Variants in GLIS3 observed in about 807,000 individuals in gnomAD.
GLIS3 encodes GLIS family zinc finger 3.
Under a neutral mutation model 78.6 loss-of-function variants are expected in GLIS3, and 53 were observed. The ratio of observed to expected loss-of-function variants is 0.67; its 90% CI spans 0.54 to 0.85. The LOEUF is 0.85. Among genes scored for constraint, GLIS3 ranks in the 40% least tolerant of loss-of-function variants. The pLI, the probability that GLIS3 is intolerant of heterozygous loss-of-function variation, is 0.00. For missense variants in GLIS3, 1,703 were observed against 1,231.1 expected, an observed-to-expected ratio of 1.38 and a Z score of -5.74; for synonymous variants, 684 against 509.9, an observed-to-expected ratio of 1.34 and a Z score of -4.60.
chr9:4,286,350 G>C lies in GLIS3; in HGVS notation c.76C>G (p.His26Asp). 4 of 1,614,214 alleles carry C rather than the reference G, an allele frequency of 2.5e-6. No individual in the cohort carries two copies. The highest frequency in any genetic ancestry group is 3.4e-6 in the Non-Finnish European group (4 of 1,180,034). ...TPQGPRMVSG[H>D]HIPAIRAHSG... ...TGGGCTCGGATGGCAGGAATGTGAT[G>C]ACCACTGACCATCCTAGGCCCCTGT... The change falls in exon 2 of 11, where the codon CAT becomes GAT. Residue 26 changes from histidine (H) to aspartate (D), a missense_variant. His to Asp is a moderately conservative substitution (Grantham distance 81). Coordinates refer to ENST00000381971, the MANE Select transcript of GLIS3 (RefSeq NM_001042413.2).
the GLIS3 span, among the ~76,000 whole-genome samples, chr9:4,459,555 G>A: frequency 1.3e-5 from 2 of 152,356 alleles, no homozygotes; most frequent in Non-Finnish European, 2.9e-5. Context: ...CTTAAGCCCA[G>A]GAGCTCGTGA....
the GLIS3 span, among the ~76,000 whole-genome samples, chr9:4,442,847 G>A: frequency 6.6e-6 from 1 of 151,858 alleles, no homozygotes; most frequent in East Asian, 1.9e-4. Context: ...CTCTATAGAA[G>A]TTTTGAAGTT....
chr9:4,257,453 G>A (rs1043848942), intron 2 of GLIS3, among the ~76,000 whole-genome samples: 1 of 152,082 alleles, frequency 6.6e-6, no homozygotes, highest in African/African-American at 2.4e-5. Context: ...TTGGTAATTT[G>A]GCAAGGGAAT....
intron 4 of GLIS3, among the ~76,000 whole-genome samples, chr9:4,077,734 C>T (rs1002330266): frequency 6.6e-6 from 1 of 152,156 alleles, no homozygotes; most frequent in African/African-American, 2.4e-5. Context: ...CGGGCTGGTC[C>T]TGTTCTCTTG....
the GLIS3 span, among the ~76,000 whole-genome samples, chr9:4,419,128 C>T: frequency 7.9e-5 from 12 of 152,162 alleles, no homozygotes; most frequent in Admixed American, 2.0e-4. Context: ...ATGAGTTTTG[C>T]TTTCTGACGT....
chr9:4,444,837 G>C, the GLIS3 span, among the ~76,000 whole-genome samples: 3 of 152,184 alleles, frequency 2.0e-5, no homozygotes, highest in African/African-American at 7.2e-5. Context: ...AAGATTTCAT[G>C]CTTGGATAAA....
At chr9:4,159,734 GAAAGAAAAGA>G (rs1048030460) in intron 2 of GLIS3, among the ~76,000 whole-genome samples, 2 of 145,850 alleles carry the variant, frequency 1.4e-5, no homozygotes, top group African/African-American at 2.5e-5. Flanking sequence ...AAAAAAAAAA[GAAAGAAAAGA>G]AAAGAAAAGA....
intron 2 of GLIS3, among the ~76,000 whole-genome samples, chr9:4,329,208 C>T (rs926228354): frequency 1.3e-5 from 2 of 152,238 alleles, no homozygotes; most frequent in East Asian, 3.9e-4. Context: ...AGCCCATTCC[C>T]ACGATAATGT....
chr9:4,319,918 A>G (rs1233108285), intron 2 of GLIS3, among the ~76,000 whole-genome samples: 2 of 152,052 alleles, frequency 1.3e-5, no homozygotes, highest in East Asian at 3.8e-4. Context: ...CTGTCTACGC[A>G]TGGCTCACAG....
chr9:4,390,359 C>G, the GLIS3 span, among the ~76,000 whole-genome samples: 9 of 152,064 alleles, frequency 5.9e-5, no homozygotes, highest in African/African-American at 2.2e-4. Context: ...ATATTACGTA[C>G]TTGATAAAAG....
At chr9:4,170,791 G>A (rs915201048) in intron 2 of GLIS3, among the ~76,000 whole-genome samples, 2 of 151,980 alleles carry the variant, frequency 1.3e-5, no homozygotes, top group African/African-American at 2.4e-5. Context: ...AATCCACATA[G>A]GCAGGAGGAA....
chr9:3,964,093 T>G (rs145760453), intron 4 of GLIS3, among the ~76,000 whole-genome samples: 29 of 151,976 alleles, frequency 1.9e-4, no homozygotes, highest in Middle Eastern at 3.4e-3. Context: ...GAGAGAGTGC[T>G]GGGCTGCAAA....
chr9:3,940,022 G>C (rs1032149803), intron 4 of GLIS3, among the ~76,000 whole-genome samples: 3 of 152,146 alleles, frequency 2.0e-5, no homozygotes, highest in Admixed American at 6.5e-5. Context: ...TTCTCTAATG[G>C]CGTCTGGATG....
At chr9:4,290,043 A>ACTTTC in intron 1 of GLIS3, among the ~76,000 whole-genome samples, 1 of 152,300 alleles carries the variant, frequency 6.6e-6, no homozygotes, top group Admixed American at 6.5e-5. Flanking sequence ...AGATTAAACA[A>ACTTTC]ACGAAAAGCA....
the GLIS3 span, among the ~76,000 whole-genome samples, chr9:4,363,017 T>G: frequency 5.9e-5 from 9 of 151,916 alleles, no homozygotes; most frequent in Non-Finnish European, 8.8e-5. Flanking sequence ...AGGAGAGAAG[T>G]GAACACTGGT....
intron 4 of GLIS3, among the ~76,000 whole-genome samples, chr9:3,973,396 C>T (rs751149272): frequency 7.9e-5 from 12 of 152,150 alleles, no homozygotes; most frequent in Non-Finnish European, 1.8e-4. Flanking sequence ...GTTGGTCTTC[C>T]TGGCATGGCC....
At chr9:4,115,848 A>G (rs1831596806) in intron 4 of GLIS3, among the ~76,000 whole-genome samples, 1 of 152,192 alleles carries the variant, frequency 6.6e-6, no homozygotes, top group Admixed American at 6.5e-5. Context: ...ACACTGTTAA[A>G]TCATCAATCT....
intron 2 of GLIS3, among the ~76,000 whole-genome samples, chr9:4,174,879 C>T (rs901220548): frequency 1.3e-5 from 2 of 152,054 alleles, no homozygotes; most frequent in Non-Finnish European, 2.9e-5. Flanking sequence ...TAGTTTATTC[C>T]AACAACACGC....
At chr9:4,206,061 G>C (rs1192043866) in intron 2 of GLIS3, among the ~76,000 whole-genome samples, 1 of 152,020 alleles carries the variant, frequency 6.6e-6, no homozygotes, top group Non-Finnish European at 1.5e-5. Flanking sequence ...AAGAGTTGAA[G>C]GTATGGAAGG....
Sources: allele counts gnomAD v4.1 joint callset (sites outside exome capture counted in the v4.1 genomes callset), GRCh38; gene constraint gnomAD v4.1.1; transcripts MANE v1.5; gene names NCBI Gene and HGNC (gene_info 2026-07-23, HGNC 2026-07-21).